EIF4E3: variants seen among roughly 807,000 people sequenced by gnomAD.
EIF4E3 encodes eukaryotic translation initiation factor 4E family member 3.
In EIF4E3, 26 loss-of-function variants were observed where a neutral mutation model predicts 31.7. That is an observed-to-expected ratio of 0.82 (90% CI 0.60 to 1.14). EIF4E3 has a LOEUF of 1.14. Ranked by LOEUF, EIF4E3 falls within the 50% of genes most tolerant of loss-of-function variation. The pLI is 0.00. For synonymous variants in EIF4E3, 128 were observed against 107.7 expected (o/e 1.19, Z -1.17); for missense variants, 304 against 270.9 (o/e 1.12, Z -0.86).
chr3:71,750,954 G>A (rs369498714), intron 1 of EIF4E3, among the ~76,000 whole-genome samples: 2 of 151,860 alleles, frequency 1.3e-5, no homozygotes, highest in African/African-American at 4.8e-5. Flanking sequence ...AATAGAGACG[G>A]GGTTTCACCG....
At position 71,715,484 on chromosome 3, in the gene EIF4E3, C is replaced by T. The variant is rs530572533; in HGVS notation, c.177-5000G>A. Among the ~76,000 whole-genome samples, 7 of 152,268 alleles carry T rather than the reference C, an allele frequency of 4.6e-5. No individual in the cohort carries two copies. In the South Asian group the frequency reaches 1.5e-3, roughly 32 times the overall value. On this transcript the variant is annotated intron_variant, in intron 1 of 6. Coordinates refer to ENST00000425534, the MANE Select transcript of EIF4E3 (RefSeq NM_001134651.2). ...TGTTCATATCATTTTTTAATTCTCC[C>T]GGAAGGGAGGAGGTGGGAAAGAAAG...
At chr3:71,747,958 C>T (rs2049889943) in intron 1 of EIF4E3, among the ~76,000 whole-genome samples, 1 of 152,216 alleles carries the variant, frequency 6.6e-6, no homozygotes, top group Non-Finnish European at 1.5e-5. Flanking sequence ...CAAATACAGA[C>T]AGCAAGCACA....
chr3:71,746,887 G>A (rs2049879095), intron 1 of EIF4E3, among the ~76,000 whole-genome samples: 1 of 152,160 alleles, frequency 6.6e-6, no homozygotes, highest in African/African-American at 2.4e-5. Context: ...TACAATATGT[G>A]GTCTTTCGTG....
intron 1 of EIF4E3, among the ~76,000 whole-genome samples, chr3:71,724,543 A>G (rs1323525046): frequency 6.6e-6 from 1 of 152,174 alleles, no homozygotes; most frequent in Non-Finnish European, 1.5e-5. Flanking sequence ...GAAAGCCATA[A>G]TTCACCCCCT....
intron 1 of EIF4E3, among the ~76,000 whole-genome samples, chr3:71,714,997 A>C (rs2049443112): frequency 6.6e-6 from 1 of 152,250 alleles, no homozygotes; most frequent in Non-Finnish European, 1.5e-5. Context: ...TTCATGTTAT[A>C]AACCTTCCTT....
chr3:71,688,374 A>T (rs1559589085), intron 6 of EIF4E3, among the ~76,000 whole-genome samples: 1 of 152,206 alleles, frequency 6.6e-6, no homozygotes, highest in Non-Finnish European at 1.5e-5. Context: ...CTGCTAACCA[A>T]TGTGCTACCT....
At chr3:71,739,285 A>T (rs1365141678) in intron 1 of EIF4E3, among the ~76,000 whole-genome samples, 2 of 152,014 alleles carry the variant, frequency 1.3e-5, no homozygotes, top group African/African-American at 4.8e-5. Context: ...AATTAATAAA[A>T]TCAAAACAGA....
At chr3:71,737,880 G>GAAAAC (rs2049779929) in intron 1 of EIF4E3, among the ~76,000 whole-genome samples, 2 of 152,170 alleles carry the variant, frequency 1.3e-5, no homozygotes, top group South Asian at 4.1e-4. Context: ...ACTGAAAGAA[G>GAAAAC]AAAACCTGTC....
rs539931733 is a variant in EIF4E3 at position 71,683,241 on chromosome 3, T to C, written c.*1441A>G. 1.2e-4 allele frequency: 18 copies of C among 152,300 alleles called. No homozygotes were observed. Among genetic ancestry groups the C allele is most frequent in the African/African-American group, 4.1e-4 (17 of 41,556 alleles). The allele number at this position is 152,300 out of a possible 1,614,324, so 9.4% of individuals were successfully genotyped here. ...ATGGAGAATTTTATCTACAAACACA[T>C]AGTGGAGGCTTAAAGTAGCCTCAAG... On this transcript the variant is annotated 3_prime_UTR_variant, in exon 7 of 7. Coordinates refer to ENST00000425534, the MANE Select transcript of EIF4E3 (RefSeq NM_001134651.2).
chr3:71,694,773 T>C lies in EIF4E3; in HGVS notation c.406-832A>G, dbSNP rs2049111877. Among the ~76,000 whole-genome samples, 4 of 152,164 alleles carry C rather than the reference T, an allele frequency of 2.6e-5. No homozygotes were observed. The South Asian group carries it at 8.3e-4, about 31-fold the overall frequency. On this transcript the variant is annotated intron_variant, in intron 4 of 6. Transcript: ENST00000425534. ...GTTAACAACCTCTCTGGTCATCAGT[T>C]TCTTTAGGTGAACAAGGAAATAATA...
chr3:71,706,720 G>A (rs1031358155), intron 2 of EIF4E3, among the ~76,000 whole-genome samples: 3 of 152,162 alleles, frequency 2.0e-5, no homozygotes, highest in Admixed American at 1.3e-4. Flanking sequence ...CTTGGGAGGA[G>A]GCTGGGGTGG....
upstream of EIF4E3, chr3:71,754,647 G>C (rs760124026): frequency 4.7e-6 from 7 of 1,494,730 alleles, no homozygotes; most frequent in East Asian, 1.8e-4. This position sits in a 1 kb window ranked among gnomAD's most constrained non-coding sequence, Gnocchi z 5.8. Flanking sequence ...CACGCACCTC[G>C]TCTACCTCCG....
intron 2 of EIF4E3, among the ~76,000 whole-genome samples, chr3:71,704,655 A>T (rs75023933): frequency 6.6e-6 from 1 of 152,354 alleles, no homozygotes; most frequent in East Asian, 1.9e-4. Context: ...ATGAGGTTAC[A>T]GCAGGGCCAA....
chr3:71,683,829 A>T lies in EIF4E3; in HGVS notation c.*853T>A, dbSNP rs1189979661. 6.6e-6 allele frequency: 1 copy of T among 152,214 alleles called. No individual in the cohort carries two copies. The highest frequency in any genetic ancestry group is 2.4e-5 in the African/African-American group (1 of 41,456). The allele number at this position is 152,214 out of a possible 1,614,324, so 9.4% of individuals were successfully genotyped here. A position where few individuals can be genotyped will look rare whatever the true frequency, so the allele number is the denominator to read the frequency against. The stretch of plus-strand genomic sequence containing the variant: ...CGAACTTTGCAAGGAGCTTAATTCA[A>T]ACAATTAAAATATCACCTTCTCTTT... On this transcript the variant is annotated 3_prime_UTR_variant, in exon 7 of 7. Transcript: ENST00000425534.
At position 71,725,150 on chromosome 3, in the gene EIF4E3, C is replaced by G. The variant is rs1323783036; in HGVS notation, c.176+42G>C. 4.8e-6 allele frequency: 5 copies of G among 1,044,790 alleles called. No homozygotes were observed. The highest frequency in any genetic ancestry group is 4.6e-6 in the Non-Finnish European group (4 of 870,910). The allele number at this position is 1,044,790 out of a possible 1,614,324, so 64.7% of individuals were successfully genotyped here. A position where few individuals can be genotyped will look rare whatever the true frequency, so the allele number is the denominator to read the frequency against. ...AGACAAAGCGGCGGTGGCGGCAGGA[C>G]CCGGGTCGGGGCCGTGCGCGGCGGG... On this transcript the variant is annotated intron_variant, in intron 1 of 6. Transcript: ENST00000425534. This position sits in a 1 kb window ranked among gnomAD's most constrained non-coding sequence, Gnocchi z 6.1.
chr3:71,735,224 A>G (rs2049750288), intron 1 of EIF4E3, among the ~76,000 whole-genome samples: 1 of 152,220 alleles, frequency 6.6e-6, no homozygotes, highest in South Asian at 2.1e-4. Context: ...CATTAAAAAC[A>G]ATAATTTCCT....
chr3:71,696,552 T>C, intron 3 of EIF4E3, 32 bp from the exon 4 acceptor site: 1 of 1,612,736 alleles, frequency 6.2e-7, no homozygotes, highest in Non-Finnish European at 8.5e-7. Flanking sequence ...AAAGTTACAC[T>C]CAGGACTAAG....
chr3:71,754,706 G>C, upstream of EIF4E3: 1 of 1,485,266 alleles, frequency 6.7e-7, no homozygotes, highest in Non-Finnish European at 8.9e-7. The surrounding 1 kb of genome is among the most constrained non-coding windows in gnomAD (Gnocchi z 5.8). Flanking sequence ...CCGCGCGCCT[G>C]GTGCCCGCCG....
At chr3:71,699,196 C>G (rs1194535790) in intron 3 of EIF4E3, among the ~76,000 whole-genome samples, 2 of 152,066 alleles carry the variant, frequency 1.3e-5, no homozygotes, top group Non-Finnish European at 2.9e-5. Flanking sequence ...CACTGCACTC[C>G]AGCCTTGGTG....
Sources: allele counts gnomAD v4.1 joint callset (sites outside exome capture counted in the v4.1 genomes callset), GRCh38; gene constraint gnomAD v4.1.1; non-coding constraint Gnocchi (gnomAD v3.1); transcripts MANE v1.5; gene names NCBI Gene and HGNC (gene_info 2026-07-23, HGNC 2026-07-21).